The following SPAG16 variants were observed in gnomAD, a reference collection of about 807,000 sequenced individuals.
SPAG16 encodes sperm-associated antigen 16 protein.
In SPAG16, 86 loss-of-function variants were observed where a neutral mutation model predicts 80.4. The observed-to-expected ratio is 1.07, with a 90% CI of 0.90 to 1.28. The LOEUF is 1.28. Among genes scored for constraint, SPAG16 ranks in the 50% most tolerant of loss-of-function variants. SPAG16 has a pLI of 0.00. For missense variants in SPAG16, 870 were observed against 765.3 expected (o/e 1.14, Z -1.61); for synonymous variants, 294 against 265.9 (o/e 1.11, Z -1.03).
chr2:213,656,484 A>G (rs968802434), intron 10 of SPAG16, among the ~76,000 whole-genome samples: 1 of 152,220 alleles, frequency 6.6e-6, no homozygotes, highest in African/African-American at 2.4e-5. Context: ...TATCATGACT[A>G]GAATCACTCA....
intron 10 of SPAG16, among the ~76,000 whole-genome samples, chr2:213,811,365 C>T (rs1357190202): frequency 6.6e-6 from 1 of 151,942 alleles, no homozygotes; most frequent in African/African-American, 2.4e-5. Context: ...TGAGGGTTTG[C>T]TTCCCTTTCT....
intron 9 of SPAG16, among the ~76,000 whole-genome samples, chr2:213,379,741 T>C (rs1259457075): frequency 6.6e-6 from 1 of 152,190 alleles, no homozygotes; most frequent in African/African-American, 2.4e-5. Context: ...GGGCTCAGTG[T>C]TGGTCTCTGC....
At chr2:214,249,659 A>G (rs886438103) in intron 15 of SPAG16, among the ~76,000 whole-genome samples, 3 of 152,230 alleles carry the variant, frequency 2.0e-5, no homozygotes, top group Non-Finnish European at 2.9e-5. Context: ...AAATAAAAAT[A>G]ATGGAAAAGC....
chr2:213,897,228 A>T (rs371213215), intron 11 of SPAG16, among the ~76,000 whole-genome samples: 1 of 152,300 alleles, frequency 6.6e-6, no homozygotes, highest in Middle Eastern at 3.4e-3. Context: ...TAATACCATC[A>T]TGTATAATTT....
chr2:213,720,184 C>T (rs184425473), intron 10 of SPAG16, among the ~76,000 whole-genome samples: 84 of 152,096 alleles, frequency 5.5e-4, no homozygotes, highest in African/African-American at 1.7e-3. Context: ...CAGGGCCTTT[C>T]GGGGGCTGGG....
intron 11 of SPAG16, among the ~76,000 whole-genome samples, chr2:213,917,017 G>T (rs1238450265): frequency 6.6e-6 from 1 of 152,112 alleles, no homozygotes; most frequent in Non-Finnish European, 1.5e-5. Flanking sequence ...CATCTGGCTA[G>T]CACATTTTAT....
Position 213,478,258 on chromosome 2 carries a change from G to A in SPAG16, c.943-11705G>A, listed in dbSNP as rs150301198. 2.0e-5 allele frequency among the ~76,000 whole-genome samples: 3 copies of A among 152,232 alleles called. No individual in the cohort carries two copies. The East Asian group carries it at 5.8e-4, about 29-fold the overall frequency. ...ACTAATACAGGGTTGTATATCAGAA[G>A]TCATATAAAGATAGAAGAATATTAA... On this transcript the variant is annotated intron_variant, in intron 9 of 15. Coordinates refer to ENST00000331683, the MANE Select transcript of SPAG16 (RefSeq NM_024532.5).
At chr2:213,702,422 C>T (rs1306958856) in intron 10 of SPAG16, among the ~76,000 whole-genome samples, 1 of 152,192 alleles carries the variant, frequency 6.6e-6, no homozygotes, top group Non-Finnish European at 1.5e-5. Flanking sequence ...GTAACACTCA[C>T]CGCGAAGGTC....
intron 10 of SPAG16, among the ~76,000 whole-genome samples, chr2:213,495,376 G>A (rs1013339284): frequency 6.6e-6 from 1 of 152,192 alleles, no homozygotes; most frequent in African/African-American, 2.4e-5. Flanking sequence ...ACTTTATCAA[G>A]CTTTAATCTT....
In SPAG16 at chr2:213,708,457, G is replaced by A. The variant is rs150732245; in HGVS notation, c.1071-154028G>A. 2.1e-3 allele frequency among the ~76,000 whole-genome samples: 312 copies of A among 152,044 alleles called. 2 individuals carry two copies. Among genetic ancestry groups the A allele is most frequent in the African/African-American group, 6.8e-3 (281 of 41,472 alleles). On this transcript the variant is annotated intron_variant, in intron 10 of 15. Transcript: ENST00000331683. ...TGGCTCATGCCTGTAATCCCAGCAC[G>A]TTAGGAAGTCGAGGCGGGTAGATCA...
intron 10 of SPAG16, among the ~76,000 whole-genome samples, chr2:213,594,519 G>A (rs1368492904): frequency 6.6e-6 from 1 of 152,096 alleles, no homozygotes; most frequent in Non-Finnish European, 1.5e-5. Flanking sequence ...ATGGGGGTGT[G>A]CTCACTCTTT....
At chr2:213,583,819 C>A (rs1332310118) in intron 10 of SPAG16, among the ~76,000 whole-genome samples, 1 of 152,080 alleles carries the variant, frequency 6.6e-6, no homozygotes, top group Admixed American at 6.5e-5. Context: ...GTTGGAAAAT[C>A]TGGATTTCTA....
chr2:213,985,270 C>G (rs939336730), intron 12 of SPAG16, among the ~76,000 whole-genome samples: 1 of 151,934 alleles, frequency 6.6e-6, no homozygotes, highest in African/African-American at 2.4e-5. Flanking sequence ...GGTAAAATTT[C>G]TTTTGTAATA....
chr2:214,035,215 A>G (rs1323181718), intron 13 of SPAG16, among the ~76,000 whole-genome samples: 2 of 151,970 alleles, frequency 1.3e-5, no homozygotes, highest in Non-Finnish European at 2.9e-5. Flanking sequence ...GAGGGGAGGA[A>G]GTGCACACTG....
chr2:213,368,219 T>C (rs1013327551), intron 8 of SPAG16, among the ~76,000 whole-genome samples: 20 of 151,926 alleles, frequency 1.3e-4, no homozygotes, highest in Admixed American at 3.3e-4. Flanking sequence ...AGTCAGGTAG[T>C]GTGATGCCTC....
intron 12 of SPAG16, among the ~76,000 whole-genome samples, chr2:213,986,457 T>C (rs986209040): frequency 3.9e-5 from 6 of 152,038 alleles, no homozygotes; most frequent in Non-Finnish European, 7.4e-5. Context: ...AGGGGCTGTA[T>C]TTTAGATTAT....
chr2:213,720,510 C>T (rs2066469664), intron 10 of SPAG16, among the ~76,000 whole-genome samples: 4 of 149,830 alleles, frequency 2.7e-5, no homozygotes, highest in Admixed American at 1.3e-4. Context: ...TGGTGGTGGG[C>T]GCCTGGAGTT....
At chr2:213,768,687 G>T (rs1456344672) in intron 10 of SPAG16, among the ~76,000 whole-genome samples, 1 of 152,164 alleles carries the variant, frequency 6.6e-6, no homozygotes, top group African/African-American at 2.4e-5. Flanking sequence ...CAATGTTTGT[G>T]AGAAATCCAA....
chr2:213,731,784 T>TA (rs1174766778), intron 10 of SPAG16, among the ~76,000 whole-genome samples: 1 of 152,216 alleles, frequency 6.6e-6, no homozygotes, highest in African/African-American at 2.4e-5. Context: ...CTGCAAAAGA[T>TA]ATGATCTCAT....
Sources: gnomAD v4.1 joint callset for allele counts (sites outside exome capture counted in the v4.1 genomes callset) on GRCh38, gnomAD v4.1.1 for gene constraint, MANE v1.5 for transcripts, NCBI Gene and HGNC (gene_info 2026-07-23, HGNC 2026-07-21) for gene names.